DNAH5: variants seen among roughly 807,000 people sequenced by gnomAD.
DNAH5 encodes dynein axonemal heavy chain 5.
A neutral mutation model predicts 518.2 loss-of-function variants in DNAH5; 372 were observed. That is an observed-to-expected ratio of 0.72 (90% confidence interval 0.66 to 0.78). DNAH5 has a LOEUF of 0.78. DNAH5 is among the 30% of genes least tolerant of loss of function. The pLI, the probability that DNAH5 is intolerant of heterozygous loss-of-function variation, is 0.00. For missense variants in DNAH5, 5,523 were observed against 5,687.0 expected (o/e 0.97, Z 0.93); for synonymous variants, 2,039 against 2,025.9 (o/e 1.01, Z -0.17).
chr5:13,769,551 G>C lies in DNAH5; in HGVS notation c.9670C>G (p.Leu3224Val), dbSNP rs774995031. The part of the protein sequence containing the change: ...SESVAALSKE[L>V]EAKEKELQVA... ...TGTAGCTCCTTTTCTTTCGCTTCCAGTTCTTTACTCAAGGCTGCAACAGAC... is the reference window on the plus strand; with the variant it reads ...TGTAGCTCCTTTTCTTTCGCTTCCACTTCTTTACTCAAGGCTGCAACAGAC... The change falls in exon 57 of 79, where the codon CTG (leucine) becomes GTG (valine). Residue 3224 changes from leucine to valine, a missense_variant. Physicochemically the swap from Leu to Val is conservative, Grantham distance 32. This residue lies in a region of DNAH5 where 5,121 missense variants were observed against 5,223.3 expected (regional missense o/e 0.98). Transcript: ENST00000265104. 1 of 1,613,894 alleles carries C rather than the reference G, an allele frequency of 6.2e-7. No individual in the cohort carries two copies. Among genetic ancestry groups the C allele is most frequent in the Non-Finnish European group, 8.5e-7 (1 of 1,179,966 alleles).
intron 1 of DNAH5, among the ~76,000 whole-genome samples, chr5:13,996,372 T>C (rs1348756912): frequency 6.6e-6 from 1 of 152,098 alleles, no homozygotes; most frequent in Non-Finnish European, 1.5e-5. Context: ...ATCCCAATAG[T>C]CCCAAAAAAC....
Position 13,793,546 on chromosome 5 carries a change from C to T in DNAH5, c.8193G>A (p.Leu2731=). Residue 2731 remains leucine (L), a synonymous_variant, in exon 49 of 79, where the codon TTG becomes TTA. Coordinates refer to ENST00000265104, the MANE Select transcript of DNAH5 (RefSeq NM_001369.3). The part of the protein sequence containing the change: ...KRQFSIFNCT[L]PSEASVDKIF... Reference sequence around the variant, plus strand: ...TCTTGTCCACAGAAGCTTCAGAGGGCAACGTGCAATTAAATATAGAGAACT... The same window carrying T: ...TCTTGTCCACAGAAGCTTCAGAGGGTAACGTGCAATTAAATATAGAGAACT... The T allele has an allele frequency of 6.2e-7, 1 of 1,614,010 alleles. No homozygotes were observed. The highest frequency in any genetic ancestry group is 8.5e-7 in the Non-Finnish European group (1 of 1,179,952).
At position 13,833,131 on chromosome 5, in the gene DNAH5, C is replaced by CAAAAAAA. The variant is rs57578159; in HGVS notation, c.5883-2363_5883-2357dup. On this transcript the variant is annotated intron_variant, in intron 35 of 78. Coordinates refer to ENST00000265104, the MANE Select transcript of DNAH5 (RefSeq NM_001369.3). The stretch of plus-strand genomic sequence containing the variant: ...CAAGGTTGCTAAAGAATGTGTTATC[C>CAAAAAAA]AAAAAAAAAAAAGAATGTGTTAACA... Among the ~76,000 whole-genome samples, 1,165 of 140,198 alleles carry CAAAAAAA rather than the reference C, an allele frequency of 8.3e-3. 28 individuals carry two copies. The highest frequency in any genetic ancestry group is 0.027 in the African/African-American group (981 of 36,296). The allele number at this position is 140,198 out of a possible 152,430, so 92.0% of individuals were successfully genotyped here.
chr5:13,910,520 G>A (rs1253233439), intron 12 of DNAH5, among the ~76,000 whole-genome samples: 1 of 152,082 alleles, frequency 6.6e-6, no homozygotes, highest in Non-Finnish European at 1.5e-5. Flanking sequence ...AAAAACCCTG[G>A]GAAAGAAGAA....
At chr5:13,802,238 CAT>C (rs1758870967) in intron 47 of DNAH5, among the ~76,000 whole-genome samples, 1 of 152,102 alleles carries the variant, frequency 6.6e-6, no homozygotes, top group African/African-American at 2.4e-5. Flanking sequence ...TGTCTACACA[CAT>C]AGGATATCAT....
rs1760727912 is a variant in DNAH5 at position 13,811,629 on chromosome 5, G to C, written c.7407+18C>G. On this transcript the variant is annotated intron_variant, in intron 44 of 78. Transcript: ENST00000265104. ...AAGTTGATAAGAGAGAATTTCTCTA[G>C]AAAGTTGAGCAATTTACCTTCAGAG... 6.2e-7 allele frequency: 1 copy of C among 1,612,382 alleles called. No individual in the cohort carries two copies.
In DNAH5 at chr5:13,891,082, A is replaced by T. The variant is rs147108941; in HGVS notation, c.2471T>A (p.Ile824Asn). 6.2e-7 allele frequency: 1 copy of T among 1,614,154 alleles called. No individual in the cohort carries two copies. The highest frequency in any genetic ancestry group is 8.5e-7 in the Non-Finnish European group (1 of 1,180,010). ...TAGAATGGCATCAATGCGGAACTCA[A>T]TCAAATCATTGACCCTGTCAAGCAG... The part of the protein sequence containing the change: ...ELLLDRVNDL[I>N]EFRIDAILEE... The change falls in exon 17 of 79, where the codon ATT becomes AAT. Residue 824 changes from isoleucine (I) to asparagine (N), a missense_variant. By Grantham distance (149) the Ile-to-Asn change is moderately radical. This residue lies in a region of DNAH5 where 5,121 missense variants were observed against 5,223.3 expected (regional missense o/e 0.98). Coordinates refer to ENST00000265104, the MANE Select transcript of DNAH5 (RefSeq NM_001369.3).
At chr5:13,792,303 A>G in intron 49 of DNAH5, 86 bp from the exon 50 acceptor site, 1 of 1,106,068 alleles carries the variant, frequency 9.0e-7, no homozygotes, top group Non-Finnish European at 1.4e-6. Flanking sequence ...AGGGTTTGCA[A>G]AAATGTCATT....
At chr5:13,741,945 T>A (rs145793975) in intron 65 of DNAH5, among the ~76,000 whole-genome samples, 1 of 152,162 alleles carries the variant, frequency 6.6e-6, no homozygotes, top group Non-Finnish European at 1.5e-5. Context: ...TCACCAGTAA[T>A]GCAGCTAAAG....
intron 51 of DNAH5, 29 bp downstream of exon 51, chr5:13,788,687 G>C: frequency 1.3e-6 from 2 of 1,591,550 alleles, no homozygotes; most frequent in East Asian, 4.5e-5. Flanking sequence ...ACCTTTTGGG[G>C]AATTCCAAAT....
intron 15 of DNAH5, among the ~76,000 whole-genome samples, chr5:13,897,067 AT>A (rs1774002346): frequency 6.6e-6 from 1 of 152,226 alleles, no homozygotes; most frequent in Admixed American, 6.5e-5. Context: ...AATATTAATG[AT>A]TCTTAGAAAC....
intron 78 of DNAH5, among the ~76,000 whole-genome samples, chr5:13,693,498 T>C (rs1740965685): frequency 6.6e-6 from 1 of 152,236 alleles, no homozygotes; most frequent in African/African-American, 2.4e-5. Flanking sequence ...ACAATAATGT[T>C]ACACATAAGT....
In DNAH5 at chr5:13,804,117, G is replaced by A. The variant is rs75412409; in HGVS notation, c.7887+3474C>T. On this transcript the variant is annotated intron_variant, in intron 47 of 78. Transcript: ENST00000265104. ...TAAAAAAATTAATATTAGTTCGGGG[G>A]GAAAAATGAGGAATCTTTCTTAAAA... is the stretch of plus-strand genomic sequence containing the variant. Among the ~76,000 whole-genome samples, 1,254 of 152,090 alleles carry A rather than the reference G, an allele frequency of 8.2e-3. 16 individuals are homozygous for A. Among genetic ancestry groups the A allele is most frequent in the African/African-American group, 0.029 (1,191 of 41,524 alleles).
intron 69 of DNAH5, 53 bp from the exon 70 acceptor site, chr5:13,727,709 T>G (rs1201918720): frequency 2.2e-5 from 35 of 1,596,100 alleles, no homozygotes; most frequent in Non-Finnish European, 2.9e-5. Flanking sequence ...AATCTTTCAG[T>G]AACAGGTCAT....
chr5:13,763,085 G>A (rs984517815), intron 59 of DNAH5, among the ~76,000 whole-genome samples, 184 bp from the exon 60 acceptor site: 1 of 152,184 alleles, frequency 6.6e-6, no homozygotes, highest in Non-Finnish European at 1.5e-5. Context: ...AGAAATGACA[G>A]CAAAGAAGTC....
Position 13,727,568 on chromosome 5 carries a change from A to C in DNAH5, c.11972T>G (p.Leu3991Arg). Reference sequence around the variant, plus strand: ...AAGGAGAAGACGTCTGAAGCAGTCAAGAGATTTATCATAGGCATTTGGAAG... The same window carrying C: ...AAGGAGAAGACGTCTGAAGCAGTCACGAGATTTATCATAGGCATTTGGAAG... ...EPLPNAYDKS[L>R]DCFRRLLLIR... The change falls in exon 70 of 79, where the codon CTT (leucine) becomes CGT (arginine). Residue 3991 changes from leucine (L) to arginine (R), a missense_variant. Physicochemically the swap from Leu to Arg is moderately radical, Grantham distance 102. This residue lies in a region of DNAH5 where 5,121 missense variants were observed against 5,223.3 expected (regional missense o/e 0.98). Coordinates refer to ENST00000265104, the MANE Select transcript of DNAH5 (RefSeq NM_001369.3). 6.2e-7 allele frequency: 1 copy of C among 1,613,856 alleles called. No individual in the cohort carries two copies.
chr5:13,936,657 A>G (rs1432936083), intron 1 of DNAH5, among the ~76,000 whole-genome samples: 1 of 152,216 alleles, frequency 6.6e-6, no homozygotes, highest in East Asian at 1.9e-4. Flanking sequence ...ACACTAAATC[A>G]AACAGCACTC....
intron 1 of DNAH5, among the ~76,000 whole-genome samples, chr5:14,010,545 A>T (rs1785041530): frequency 6.6e-6 from 1 of 152,184 alleles, no homozygotes; most frequent in African/African-American, 2.4e-5. Context: ...CTGTCATTTC[A>T]GGGTCCCATT....
intron 66 of DNAH5, among the ~76,000 whole-genome samples, chr5:13,736,183 AAT>A (rs1747384627): frequency 6.6e-6 from 1 of 152,190 alleles, no homozygotes; most frequent in Admixed American, 6.5e-5. Flanking sequence ...CCCTCGCAAC[AAT>A]ATTTTACTAT....
Sources: allele counts gnomAD v4.1 joint callset (sites outside exome capture counted in the v4.1 genomes callset), GRCh38; gene constraint gnomAD v4.1.1; regional missense constraint gnomAD v4.1.1; transcripts MANE v1.5; gene names NCBI Gene and HGNC (gene_info 2026-07-23, HGNC 2026-07-21).